The following SLC25A13 variants were observed in gnomAD, a reference collection of about 807,000 sequenced individuals.
SLC25A13 encodes electrogenic aspartate/glutamate antiporter SLC25A13, mitochondrial.
In SLC25A13, 70 loss-of-function variants were observed where a neutral mutation model predicts 85.5. The ratio of observed to expected loss-of-function variants is 0.82; its 90% CI spans 0.68 to 1.00. The LOEUF (loss-of-function observed/expected upper bound fraction) is 1.00. Among genes scored for constraint, SLC25A13 ranks in the 50% least tolerant of loss-of-function variants. SLC25A13 has a pLI of 0.00. For missense variants in SLC25A13, 765 were observed against 819.8 expected (o/e 0.93, Z 0.82); for synonymous variants, 259 against 288.7 (o/e 0.90, Z 1.04).
chr7:96,248,934 T>G (rs1797309028), intron 3 of SLC25A13, among the ~76,000 whole-genome samples: 6 of 152,210 alleles, frequency 3.9e-5, no homozygotes, highest in Admixed American at 3.9e-4. Flanking sequence ...AAATTAAAAC[T>G]AAATTGTATA....
chr7:96,124,428 T>C (rs1210871864), intron 15 of SLC25A13, among the ~76,000 whole-genome samples: 2 of 152,214 alleles, frequency 1.3e-5, no homozygotes, highest in Non-Finnish European at 2.9e-5. Context: ...ATTTTCTTCA[T>C]ACTTTGAAGC....
intron 3 of SLC25A13, among the ~76,000 whole-genome samples, chr7:96,244,136 TG>T (rs558334114): frequency 2.6e-5 from 4 of 151,932 alleles, no homozygotes; most frequent in African/African-American, 4.8e-5. Flanking sequence ...ACGTGGGGTC[TG>T]GGGGGGTCCT....
intron 2 of SLC25A13, among the ~76,000 whole-genome samples, chr7:96,290,835 C>T (rs375516098): frequency 6.6e-6 from 1 of 152,254 alleles, no homozygotes; most frequent in African/African-American, 2.4e-5. Flanking sequence ...TAATGGGAGA[C>T]TTTAACACCC....
chr7:96,307,874 G>A (rs962732533), intron 1 of SLC25A13, among the ~76,000 whole-genome samples: 43 of 151,576 alleles, frequency 2.8e-4, no homozygotes, highest in African/African-American at 9.2e-4. Context: ...CACTGCGGCC[G>A]GGCGCAGTGG....
intron 2 of SLC25A13, among the ~76,000 whole-genome samples, chr7:96,291,708 C>T (rs1003376636): frequency 6.6e-6 from 1 of 152,158 alleles, no homozygotes; most frequent in African/African-American, 2.4e-5. Context: ...GACACATACA[C>T]CCTCCCAAGA....
intron 5 of SLC25A13, among the ~76,000 whole-genome samples, chr7:96,204,561 A>G (rs1795387247): frequency 6.6e-6 from 1 of 152,160 alleles, no homozygotes; most frequent in African/African-American, 2.4e-5. Flanking sequence ...AAGAAAGAAA[A>G]GAAAAAGGAA....
intron 13 of SLC25A13, among the ~76,000 whole-genome samples, chr7:96,168,001 G>A (rs1441740374): frequency 2.0e-5 from 3 of 149,542 alleles, no homozygotes; most frequent in African/African-American, 7.3e-5. Flanking sequence ...TCGGGAGGCT[G>A]AGGCAGGAGA....
chr7:96,301,831 T>C (rs939749451), intron 1 of SLC25A13, among the ~76,000 whole-genome samples: 3 of 152,144 alleles, frequency 2.0e-5, no homozygotes, highest in African/African-American at 7.2e-5. Flanking sequence ...TCTCACTATG[T>C]TGCTCAAGCT....
intron 11 of SLC25A13, 34 bp downstream of exon 11, chr7:96,184,243 T>C (rs373426467): frequency 1.2e-6 from 2 of 1,613,372 alleles, no homozygotes; most frequent in Non-Finnish European, 1.7e-6. Context: ...TGAGTGTTAT[T>C]TCACCTAACA....
chr7:96,279,062 A>C (rs1025659242), intron 2 of SLC25A13, among the ~76,000 whole-genome samples: 3 of 152,120 alleles, frequency 2.0e-5, no homozygotes, highest in African/African-American at 7.2e-5. Flanking sequence ...ATTCCTGGCA[A>C]TTTTCAAAGG....
intron 4 of SLC25A13, among the ~76,000 whole-genome samples, chr7:96,213,942 A>G (rs1795792655): frequency 6.6e-6 from 1 of 152,236 alleles, no homozygotes; most frequent in African/African-American, 2.4e-5. Context: ...AAAGTAAAGT[A>G]TAATTGTTGT....
At chr7:96,237,408 A>G (rs1036448786) in intron 3 of SLC25A13, among the ~76,000 whole-genome samples, 1 of 152,190 alleles carries the variant, frequency 6.6e-6, no homozygotes, top group Non-Finnish European at 1.5e-5. Context: ...GGAGTTACCA[A>G]TTCTCCATCT....
chr7:96,318,125 A>C (rs1186514354), intron 1 of SLC25A13, among the ~76,000 whole-genome samples: 2 of 152,192 alleles, frequency 1.3e-5, no homozygotes, highest in Non-Finnish European at 2.9e-5. Context: ...TTTATTATTA[A>C]TGCTTTAATG....
intron 1 of SLC25A13, among the ~76,000 whole-genome samples, chr7:96,300,573 G>A (rs758451858): frequency 6.6e-6 from 1 of 152,028 alleles, no homozygotes; most frequent in African/African-American, 2.4e-5. Flanking sequence ...AATTTAGAAG[G>A]GATAAATTAG....
chr7:96,167,882 G>T (rs996280793), intron 13 of SLC25A13, among the ~76,000 whole-genome samples: 2 of 151,972 alleles, frequency 1.3e-5, no homozygotes, highest in Non-Finnish European at 2.9e-5. Context: ...GGCGGATCAC[G>T]AGGTCAGGAG....
intron 3 of SLC25A13, among the ~76,000 whole-genome samples, chr7:96,275,649 C>T (rs1326008441): frequency 6.6e-6 from 1 of 152,028 alleles, no homozygotes; most frequent in African/African-American, 2.4e-5. Context: ...AAAAACCAAA[C>T]ACTGCATGTT....
intron 4 of SLC25A13, among the ~76,000 whole-genome samples, chr7:96,233,983 A>G (rs1796650610): frequency 6.6e-6 from 1 of 152,200 alleles, no homozygotes; most frequent in Non-Finnish European, 1.5e-5. Flanking sequence ...TCATGAAAGC[A>G]CAATCCACAT....
rs151135527 is a variant in SLC25A13 at position 96,316,559 on chromosome 7, C to T, written c.15+5383G>A. Among the ~76,000 whole-genome samples the T allele has an allele frequency of 5.0e-4, 76 of 152,322 alleles. 1 individual carries two copies. The highest frequency in any genetic ancestry group is 1.7e-3 in the African/African-American group (72 of 41,570). On this transcript the variant is annotated intron_variant, in intron 1 of 17. Coordinates refer to ENST00000265631, the MANE Select transcript of SLC25A13 (RefSeq NM_014251.3). ...GTTAAGAGCAGAGACTCTGAAGACA[C>T]ATTGGCAAGGTTCAAATCAAGACTG...
chr7:96,174,194 C>A (rs1794124226), intron 11 of SLC25A13, among the ~76,000 whole-genome samples: 1 of 152,202 alleles, frequency 6.6e-6, no homozygotes, highest in Non-Finnish European at 1.5e-5. Context: ...GCTCTTGGAT[C>A]TGAGATTTCT....
Sources: allele counts gnomAD v4.1 joint callset (sites outside exome capture counted in the v4.1 genomes callset), GRCh38; gene constraint gnomAD v4.1.1; transcripts MANE v1.5; gene names NCBI Gene and HGNC (gene_info 2026-07-23, HGNC 2026-07-21).